The following AGAP1 variants were observed in gnomAD, a reference collection of about 807,000 sequenced individuals.
The protein encoded by AGAP1 is ArfGAP with GTPase domain, ankyrin repeat and PH domain 1, also known as arf-GAP with GTPase, ANK repeat and PH domain-containing protein 1.
A neutral mutation model predicts 105.3 loss-of-function variants in AGAP1; 29 were observed. The ratio of observed to expected loss-of-function variants is 0.28; its 90% CI spans 0.21 to 0.38. The LOEUF is 0.38. AGAP1 is among the 10% of genes least tolerant of loss of function. The probability of loss-of-function intolerance (pLI) is 1.00; values close to 1 mark genes in which losing one functional copy is unlikely to be tolerated. For missense variants in AGAP1, 998 were observed against 1,165.1 expected (o/e 0.86, Z 2.09); for synonymous variants, 509 against 485.9 (o/e 1.05, Z -0.63).
rs1943870610 is a variant in AGAP1, at chr2:235,553,270, G to A, written c.163+58421G>A. On this transcript the variant is annotated intron_variant, in intron 1 of 17. Transcript: ENST00000304032. This position sits in a 1 kb window ranked among gnomAD's most constrained non-coding sequence, Gnocchi z 4.5. ...TTAAGGGCTGGGGGAAGAGGAGGGG[G>A]TTGAGATCAAGAGATGACCAACGAC... 6.6e-6 allele frequency among the ~76,000 whole-genome samples: 1 copy of A among 151,004 alleles called. No individual in the cohort carries two copies. Among genetic ancestry groups the A allele is most frequent in the Non-Finnish European group, 1.5e-5 (1 of 67,806 alleles).
chr2:235,798,016 C>T, intron 7 of AGAP1, 130 bp downstream of exon 7: 1 of 1,186,090 alleles, frequency 8.4e-7, no homozygotes, highest in Non-Finnish European at 1.2e-6. Context: ...TTGTAATTGA[C>T]TTCACATTTT....
chr2:236,098,197 A>G (rs1167709490), intron 16 of AGAP1, among the ~76,000 whole-genome samples: 1 of 152,142 alleles, frequency 6.6e-6, no homozygotes, highest in African/African-American at 2.4e-5. Flanking sequence ...TTGGGTATAT[A>G]CCTAGAAGTG....
chr2:235,686,829 AT>A (rs869224839), intron 1 of AGAP1, among the ~76,000 whole-genome samples: 5,271 of 139,698 alleles, frequency 0.038, 258 homozygotes, highest in African/African-American at 0.12. Flanking sequence ...AATTAAAATA[AT>A]TTTTTTTTTT....
In AGAP1 at chr2:235,559,373, C is replaced by T. The variant is rs1944075479; in HGVS notation, c.163+64524C>T. 6.6e-6 allele frequency among the ~76,000 whole-genome samples: 1 copy of T among 152,188 alleles called. No individual in the cohort carries two copies. The highest frequency in any genetic ancestry group is 2.1e-4 in the South Asian group (1 of 4,826). ...CTTGATCGGCTTCTCTGTGGCAAGCCAGAGGCGTCTGTGATGAGCGCCTGC... is the reference window on the plus strand; with the variant it reads ...CTTGATCGGCTTCTCTGTGGCAAGCTAGAGGCGTCTGTGATGAGCGCCTGC... On this transcript the variant is annotated intron_variant, in intron 1 of 17. Coordinates refer to ENST00000304032, the MANE Select transcript of AGAP1 (RefSeq NM_001037131.3). The surrounding 1 kb of genome is among the most constrained non-coding windows in gnomAD (Gnocchi z 5.7).
chr2:235,523,984 C>T (rs1351260782), intron 1 of AGAP1, among the ~76,000 whole-genome samples: 4 of 149,490 alleles, frequency 2.7e-5, no homozygotes, highest in Non-Finnish European at 3.0e-5. Flanking sequence ...TTGAATGGCC[C>T]ACTCACCACC....
chr2:235,934,472 C>A lies in AGAP1; in HGVS notation c.1483+3549C>A, dbSNP rs1359442249. Among the ~76,000 whole-genome samples the A allele has an allele frequency of 6.6e-6, 1 of 152,152 alleles. No homozygotes were observed. Among genetic ancestry groups the A allele is most frequent in the African/African-American group, 2.4e-5 (1 of 41,426 alleles). ...TGTGCTGCTTCGTCAAGTGGCCAGA[C>A]CCCAGCAATGTTTAGTGAACACCAG... is the stretch of plus-strand genomic sequence containing the variant. On this transcript the variant is annotated intron_variant, in intron 12 of 17. Transcript: ENST00000304032. This position sits in a 1 kb window ranked among gnomAD's most constrained non-coding sequence, Gnocchi z 4.9.
At chr2:235,695,927 G>C (rs894129378) in intron 1 of AGAP1, among the ~76,000 whole-genome samples, 4 of 152,082 alleles carry the variant, frequency 2.6e-5, no homozygotes, top group African/African-American at 9.7e-5. Context: ...TATTCCCTTG[G>C]GTGCACCAGC....
At chr2:235,538,130 A>G (rs190332955) in intron 1 of AGAP1, among the ~76,000 whole-genome samples, 1 of 152,298 alleles carries the variant, frequency 6.6e-6, no homozygotes, top group Non-Finnish European at 1.5e-5. Flanking sequence ...TCTAATCCAT[A>G]CTGTGATGTT....
rs536723200 is a variant in AGAP1, at chr2:235,737,694, G to A, written c.311-3269G>A. ...TGCAACAGGGAGGGTCATCTGCCAG[G>A]GCGTCACGGTCATTCCACGAGAGCT... On this transcript the variant is annotated intron_variant, in intron 3 of 17. Transcript: ENST00000304032. This position sits in a 1 kb window ranked among gnomAD's most constrained non-coding sequence, Gnocchi z 4.5. Among the ~76,000 whole-genome samples the A allele has an allele frequency of 6.6e-6, 1 of 152,204 alleles. No homozygotes were observed. The highest frequency in any genetic ancestry group is 2.1e-4 in the South Asian group (1 of 4,828).
rs2055122121 is a variant in AGAP1, at chr2:235,982,061, C to T, written c.1645+13438C>T. On this transcript the variant is annotated intron_variant, in intron 13 of 17. Transcript: ENST00000304032. This position sits in a 1 kb window ranked among gnomAD's most constrained non-coding sequence, Gnocchi z 4.9. ...TGACATTTTACCCGAGGCTGTGCTT[C>T]AGCAGATTGACAGAATGCATTTTTA... Among the ~76,000 whole-genome samples, 1 of 152,236 alleles carries T rather than the reference C, an allele frequency of 6.6e-6. No homozygotes were observed. The highest frequency in any genetic ancestry group is 6.5e-5 in the Admixed American group (1 of 15,288).
intron 1 of AGAP1, among the ~76,000 whole-genome samples, chr2:235,544,125 C>T (rs1468306657): frequency 1.3e-5 from 2 of 152,186 alleles, no homozygotes; most frequent in African/African-American, 4.8e-5. Context: ...GTTGAATATG[C>T]TCAAATGCTT....
rs1242161382 is a variant in AGAP1 at position 235,625,127 on chromosome 2, A to G, written c.164-84052A>G. 1.3e-5 allele frequency among the ~76,000 whole-genome samples: 2 copies of G among 152,188 alleles called. No homozygotes were observed. The highest frequency in any genetic ancestry group is 4.8e-5 in the African/African-American group (2 of 41,436). ...CTAACACAGCAGGTGTGATCATTGG[A>G]TGAGGAAGGCTCTCGGAATCATTCC... On this transcript the variant is annotated intron_variant, in intron 1 of 17. Transcript: ENST00000304032. The surrounding 1 kb of genome is among the most constrained non-coding windows in gnomAD (Gnocchi z 4.0).
rs575217432 is a variant in AGAP1 at position 235,769,744 on chromosome 2, G to A, written c.673+19256G>A. 2.6e-5 allele frequency among the ~76,000 whole-genome samples: 4 copies of A among 152,128 alleles called. No individual in the cohort carries two copies. Among genetic ancestry groups the A allele is most frequent in the East Asian group, 3.9e-4 (2 of 5,172 alleles). ...TGACTAAAGGGCATCTCCAGGTGCCGCCTCTCACCTGGTCCTGGATCATGG... is the reference window on the plus strand; with the variant it reads ...TGACTAAAGGGCATCTCCAGGTGCCACCTCTCACCTGGTCCTGGATCATGG... On this transcript the variant is annotated intron_variant, in intron 6 of 17. Coordinates refer to ENST00000304032, the MANE Select transcript of AGAP1 (RefSeq NM_001037131.3). The surrounding 1 kb of genome is among the most constrained non-coding windows in gnomAD (Gnocchi z 4.4).
At position 235,642,497 on chromosome 2, in the gene AGAP1, C is replaced by T. The variant is rs1947231577; in HGVS notation, c.164-66682C>T. On this transcript the variant is annotated intron_variant, in intron 1 of 17. Transcript: ENST00000304032. This position sits in a 1 kb window ranked among gnomAD's most constrained non-coding sequence, Gnocchi z 4.1. Reference sequence around the variant, plus strand: ...GATTTGGGTCTTGGTTTTGCCAGCACTCCCAGTGGACAGTCATGCCTGGAC... The same window carrying T: ...GATTTGGGTCTTGGTTTTGCCAGCATTCCCAGTGGACAGTCATGCCTGGAC... 6.6e-6 allele frequency among the ~76,000 whole-genome samples: 1 copy of T among 152,174 alleles called. No individual in the cohort carries two copies. Among genetic ancestry groups the T allele is most frequent in the African/African-American group, 2.4e-5 (1 of 41,446 alleles).
intron 1 of AGAP1, among the ~76,000 whole-genome samples, chr2:235,497,561 C>T (rs934599921): frequency 6.6e-6 from 1 of 152,322 alleles, no homozygotes; most frequent in East Asian, 1.9e-4. Flanking sequence ...GAATTGGGGT[C>T]TGACTTCCCA....
At chr2:235,645,482 C>A (rs1204452237) in intron 1 of AGAP1, among the ~76,000 whole-genome samples, 1 of 152,114 alleles carries the variant, frequency 6.6e-6, no homozygotes, top group Non-Finnish European at 1.5e-5. Flanking sequence ...TGTTTATTGC[C>A]CTTTCACATT....
chr2:235,810,413 CGTT>C (rs1958072102), intron 9 of AGAP1, among the ~76,000 whole-genome samples: 1 of 152,182 alleles, frequency 6.6e-6, no homozygotes, highest in African/African-American at 2.4e-5. Flanking sequence ...GCAGAGGAGT[CGTT>C]TTAGAACCCC....
chr2:235,760,094 A>G (rs1005968127), intron 6 of AGAP1, among the ~76,000 whole-genome samples: 2 of 152,138 alleles, frequency 1.3e-5, no homozygotes, highest in Non-Finnish European at 2.9e-5. Flanking sequence ...CAAATACAGA[A>G]GATGGGCTGG....
At chr2:235,533,107 G>A (rs983294088) in intron 1 of AGAP1, among the ~76,000 whole-genome samples, 2 of 152,168 alleles carry the variant, frequency 1.3e-5, no homozygotes, top group Admixed American at 6.5e-5. Context: ...AGTCATGACC[G>A]CGTTGAGTTA....
Sources: allele counts gnomAD v4.1 joint callset (sites outside exome capture counted in the v4.1 genomes callset), GRCh38; gene constraint gnomAD v4.1.1; non-coding constraint Gnocchi (gnomAD v3.1); transcripts MANE v1.5; gene names NCBI Gene and HGNC (gene_info 2026-07-23, HGNC 2026-07-21).